NALF1: variants seen among roughly 807,000 people sequenced by gnomAD.
NALF1 encodes the protein NALCN channel auxiliary factor 1, also known as family with sequence similarity 155 member A.
Under a neutral mutation model 48.4 loss-of-function variants are expected in NALF1, and 3 were observed. The ratio of observed to expected loss-of-function variants is 0.06; its 90% CI spans 0.03 to 0.16. The LOEUF (loss-of-function observed/expected upper bound fraction) is 0.16, where lower values mean the gene tolerates loss of function less well. NALF1 is among the 10% of genes least tolerant of loss of function. The pLI is 1.00. For missense variants in NALF1, 526 were observed against 571.5 expected (o/e 0.92, Z 0.81); for synonymous variants, 262 against 245.7 (o/e 1.07, Z -0.62).
chr13:107,375,894 T>C (rs182238152), intron 1 of NALF1, among the ~76,000 whole-genome samples: 1 of 152,068 alleles, frequency 6.6e-6, no homozygotes, highest in Admixed American at 6.6e-5. Context: ...CCCCTCCCGA[T>C]AGTCATGTTC....
At chr13:107,279,471 G>T (rs925652352) in intron 1 of NALF1, among the ~76,000 whole-genome samples, 1 of 152,098 alleles carries the variant, frequency 6.6e-6, no homozygotes, top group African/African-American at 2.4e-5. Flanking sequence ...GGTCAGGCTG[G>T]TCTCAAACTC....
chr13:107,768,799 C>G (rs3858804), intron 1 of NALF1, among the ~76,000 whole-genome samples: 14 of 151,998 alleles, frequency 9.2e-5, no homozygotes, highest in South Asian at 4.1e-4. Flanking sequence ...ATCTGACAAA[C>G]GGCTAATATC....
At chr13:107,291,054 A>T (rs1026612726) in intron 1 of NALF1, among the ~76,000 whole-genome samples, 1 of 151,324 alleles carries the variant, frequency 6.6e-6, no homozygotes, top group African/African-American at 2.4e-5. Flanking sequence ...AATTAACAAC[A>T]TTGTACCTCT....
intron 1 of NALF1, among the ~76,000 whole-genome samples, chr13:107,781,694 T>C (rs148105810): frequency 1.3e-5 from 2 of 151,972 alleles, no homozygotes; most frequent in East Asian, 3.9e-4. Flanking sequence ...TTCTTTGCAC[T>C]GCTTCATTTG....
At chr13:107,428,014 A>G (rs1017228349) in intron 1 of NALF1, among the ~76,000 whole-genome samples, 5 of 152,196 alleles carry the variant, frequency 3.3e-5, no homozygotes, top group African/African-American at 1.2e-4. Flanking sequence ...GAATGAAGTA[A>G]TTGGCAAGAC....
At chr13:107,666,367 C>T (rs766391595) in intron 1 of NALF1, among the ~76,000 whole-genome samples, 15 of 152,096 alleles carry the variant, frequency 9.9e-5, no homozygotes, top group Non-Finnish European at 2.1e-4. Context: ...TGTGCATTGT[C>T]TTCAGGATCA....
intron 2 of NALF1, among the ~76,000 whole-genome samples, chr13:107,208,566 A>G (rs1879691608): frequency 6.6e-6 from 1 of 152,200 alleles, no homozygotes; most frequent in South Asian, 2.1e-4. Flanking sequence ...TTTTTTGTCT[A>G]CTTTGAGAAC....
intron 1 of NALF1, among the ~76,000 whole-genome samples, chr13:107,218,531 T>C (rs1594075470): frequency 6.6e-6 from 1 of 152,178 alleles, no homozygotes; most frequent in African/African-American, 2.4e-5. Flanking sequence ...CCAGGAACCC[T>C]GATGAGCCCC....
intron 1 of NALF1, among the ~76,000 whole-genome samples, chr13:107,699,048 GGT>G (rs1228360448): frequency 6.6e-6 from 1 of 152,072 alleles, no homozygotes; most frequent in Non-Finnish European, 1.5e-5. Context: ...TGTCATTGTA[GGT>G]CTTTGCCATT....
At position 107,823,672 on chromosome 13, in the gene NALF1, C is replaced by T. The variant is rs1009059392; in HGVS notation, c.915+42010G>A. On this transcript the variant is annotated intron_variant, in intron 1 of 2. Transcript: ENST00000375915. ...TCAAAGGTTAATTCTTCAAAGAGGC[C>T]TTCTGTGACCTTCCAGAGAGCTTTC... Among the ~76,000 whole-genome samples, 13 of 152,250 alleles carry T rather than the reference C, an allele frequency of 8.5e-5. No individual in the cohort carries two copies. The East Asian group carries it at 2.3e-3, about 27-fold the overall frequency.
At chr13:107,523,300 T>C (rs1218892825) in intron 1 of NALF1, among the ~76,000 whole-genome samples, 2 of 152,210 alleles carry the variant, frequency 1.3e-5, no homozygotes, top group Admixed American at 6.5e-5. Flanking sequence ...CATAGTTTAA[T>C]GTTCACGGGT....
At chr13:107,614,326 T>G (rs1250644004) in intron 1 of NALF1, among the ~76,000 whole-genome samples, 1 of 152,192 alleles carries the variant, frequency 6.6e-6, no homozygotes, top group Non-Finnish European at 1.5e-5. Flanking sequence ...TAAGTACATG[T>G]GTTCTTGTTA....
chr13:107,385,532 G>T (rs1883512762), intron 1 of NALF1, among the ~76,000 whole-genome samples: 1 of 135,160 alleles, frequency 7.4e-6, no homozygotes, highest in Non-Finnish European at 1.5e-5. Flanking sequence ...CAGCCTGGGT[G>T]CCAGAGCGAG....
At chr13:107,763,221 G>A (rs1054287271) in intron 1 of NALF1, among the ~76,000 whole-genome samples, 7 of 150,728 alleles carry the variant, frequency 4.6e-5, no homozygotes, top group Non-Finnish European at 7.4e-5. Flanking sequence ...GCAAGTAAAG[G>A]ATATCCAGTT....
At chr13:107,398,235 T>TCAACA (rs371461304) in intron 1 of NALF1, among the ~76,000 whole-genome samples, 7 of 152,264 alleles carry the variant, frequency 4.6e-5, no homozygotes, top group African/African-American at 1.7e-4. Context: ...GCTATCTGGA[T>TCAACA]CAACAACCAC....
chr13:107,848,810 T>C (rs1880240010), intron 1 of NALF1, among the ~76,000 whole-genome samples: 1 of 152,174 alleles, frequency 6.6e-6, no homozygotes, highest in Non-Finnish European at 1.5e-5. Flanking sequence ...ATGATTTAAA[T>C]GAACAGGCAG....
At chr13:107,679,444 A>T (rs1223691648) in intron 1 of NALF1, among the ~76,000 whole-genome samples, 1 of 152,120 alleles carries the variant, frequency 6.6e-6, no homozygotes, top group African/African-American at 2.4e-5. Context: ...GGGCTGGGTG[A>T]GGGAGGGGTA....
At position 107,645,486 on chromosome 13, in the gene NALF1, C is replaced by G. The variant is rs79498455; in HGVS notation, c.915+220196G>C. On this transcript the variant is annotated intron_variant, in intron 1 of 2. Transcript: ENST00000375915. ...TTTACTGATTTTAATCAGTTTAACT[C>G]ACCCAATTGTTTTGGGTTTAGGTAT... Among the ~76,000 whole-genome samples, 233 of 152,228 alleles carry G rather than the reference C, an allele frequency of 1.5e-3. 2 individuals carry two copies. Among genetic ancestry groups the G allele is most frequent in the African/African-American group, 5.2e-3 (214 of 41,532 alleles).
chr13:107,427,744 C>G (rs920448405), intron 1 of NALF1, among the ~76,000 whole-genome samples: 2 of 152,068 alleles, frequency 1.3e-5, no homozygotes, highest in Non-Finnish European at 2.9e-5. Context: ...CTTTTCAGAC[C>G]CAATCACCAA....
Sources: allele counts gnomAD v4.1 joint callset (sites outside exome capture counted in the v4.1 genomes callset), GRCh38; gene constraint gnomAD v4.1.1; transcripts MANE v1.5; gene names NCBI Gene and HGNC (gene_info 2026-07-23, HGNC 2026-07-21).